UBR1: variants seen among roughly 807,000 people sequenced by gnomAD.
UBR1 encodes E3 ubiquitin-protein ligase UBR1.
UBR1 carries 102 observed loss-of-function variants against 242.1 expected under a neutral mutation model. That is an observed-to-expected ratio of 0.42 (90% confidence interval 0.36 to 0.50). The LOEUF is 0.50. Among genes scored for constraint, UBR1 ranks in the 20% least tolerant of loss-of-function variants. The probability of loss-of-function intolerance (pLI) is 0.01; values close to 1 mark genes in which losing one functional copy is unlikely to be tolerated. For synonymous variants in UBR1, 675 were observed against 684.8 expected, an observed-to-expected ratio of 0.99 and a Z score of 0.22; for missense variants, 1,772 against 2,101.8, an observed-to-expected ratio of 0.84 and a Z score of 3.07.
chr15:43,034,695 G>A (rs2033307874), intron 19 of UBR1, among the ~76,000 whole-genome samples: 1 of 151,928 alleles, frequency 6.6e-6, no homozygotes, highest in African/African-American at 2.4e-5. Flanking sequence ...AGACCAGCCT[G>A]GCCAACATGG....
chr15:42,970,372 A>T (rs753295759), intron 40 of UBR1, 148 bp downstream of exon 40: 77 of 799,872 alleles, frequency 9.6e-5, no homozygotes, highest in Admixed American at 3.1e-4. Flanking sequence ...TAAATGTAAG[A>T]CCTAAACCAT....
intron 37 of UBR1, among the ~76,000 whole-genome samples, chr15:42,979,791 C>G (rs905268977): frequency 6.6e-6 from 1 of 152,104 alleles, no homozygotes; most frequent in African/African-American, 2.4e-5. Context: ...CTCCTCGCCT[C>G]AAGAGGTCCA....
chr15:43,030,141 C>T lies in UBR1; in HGVS notation c.2255-73G>A, dbSNP rs868213065. 13 of 1,497,702 alleles carry T rather than the reference C, an allele frequency of 8.7e-6. No individual in the cohort carries two copies. The African/African-American group carries it at 1.3e-4, about 15-fold the overall frequency. 92.8% of individuals were successfully genotyped at this position (1,497,702 alleles called of 1,614,324 possible). A position where few individuals can be genotyped will look rare whatever the true frequency, so the allele number is the denominator to read the frequency against. On this transcript the variant is annotated intron_variant, in intron 20 of 46. Coordinates refer to ENST00000290650, the MANE Select transcript of UBR1 (RefSeq NM_174916.3). ...TATTTAAATCTCTCCCCATCAGAAG[C>T]ACTTACACACAGAACACTGCATTAA...
intron 39 of UBR1, among the ~76,000 whole-genome samples, chr15:42,972,530 G>A (rs966866325): frequency 2.0e-5 from 3 of 151,876 alleles, no homozygotes; most frequent in African/African-American, 7.3e-5. Context: ...CACCATGCCT[G>A]GCTAATTTTT....
At chr15:43,102,821 C>CA (rs1446574964) in intron 1 of UBR1, among the ~76,000 whole-genome samples, 1 of 152,204 alleles carries the variant, frequency 6.6e-6, no homozygotes, top group Non-Finnish European at 1.5e-5. Flanking sequence ...ATCTCTGTCT[C>CA]ACTCTCTTTT....
Position 43,067,971 on chromosome 15 carries a change from A to G in UBR1, c.725T>C (p.Ile242Thr). Residue 242 changes from isoleucine to threonine, a missense_variant, in exon 6 of 47, where the codon ATA becomes ACA. Physicochemically the swap from Ile to Thr is moderately conservative, Grantham distance 89 (BLOSUM62 -1). This residue lies in a region of UBR1 where 734 missense variants were observed against 893.3 expected (regional missense o/e 0.82). Coordinates refer to ENST00000290650, the MANE Select transcript of UBR1 (RefSeq NM_174916.3). Reference protein sequence around the residue: ...NDEHHSYDHVIYSLQRALDCE... With the variant: ...NDEHHSYDHVTYSLQRALDCE... ...GTCAAGAGCTCTTTGTAGGCTGTAT[A>G]TGACGTGGTCATATGAATGGTGTTC... is the stretch of plus-strand genomic sequence containing the variant. 1.2e-6 allele frequency: 2 copies of G among 1,613,506 alleles called. No homozygotes were observed. The highest frequency in any genetic ancestry group is 1.7e-6 in the Non-Finnish European group (2 of 1,179,736).
chr15:43,089,607 A>T (rs1158462134), intron 1 of UBR1, among the ~76,000 whole-genome samples: 3 of 151,984 alleles, frequency 2.0e-5, no homozygotes, highest in African/African-American at 7.2e-5. Flanking sequence ...TTATTGTATT[A>T]TTTTTTTTCT....
At chr15:43,024,395 C>G (rs1400999465) in intron 25 of UBR1, among the ~76,000 whole-genome samples, 1 of 152,144 alleles carries the variant, frequency 6.6e-6, no homozygotes, top group Non-Finnish European at 1.5e-5. Flanking sequence ...AATTCTCCTA[C>G]CTCTATGAAT....
In UBR1 at chr15:43,034,237, A is replaced by AAAATAAAT. The variant is rs35184791; in HGVS notation, c.2191-1614_2191-1607dup. ...GGTGACAGAGCAACACTCCATCTCAAAAATAAATAAATAAATAAATAAATA... is the reference window on the plus strand; with the variant it reads ...GGTGACAGAGCAACACTCCATCTCAAAAATAAATAAATAAATAAATAAATAAATAAATA... On this transcript the variant is annotated intron_variant, in intron 19 of 46. Transcript: ENST00000290650. Among the ~76,000 whole-genome samples the AAAATAAAT allele has an allele frequency of 5.3e-3, 584 of 110,910 alleles. 5 individuals are homozygous for AAAATAAAT. The highest frequency in any genetic ancestry group is 0.015 in the African/African-American group (476 of 31,204). 72.8% of individuals were successfully genotyped at this position (110,910 alleles called of 152,430 possible).
chr15:43,021,055 G>A, intron 27 of UBR1: 1 of 443,988 alleles, frequency 2.3e-6, no homozygotes, highest in Non-Finnish European at 4.1e-6. Context: ...TAGGTTTTCA[G>A]TAAAGTTGAC....
In UBR1 at chr15:42,952,453, A is replaced by G; in HGVS notation, c.4836-5T>C. The G allele has an allele frequency of 1.2e-6, 2 of 1,614,216 alleles. No homozygotes were observed. Among genetic ancestry groups the G allele is most frequent in the South Asian group, 2.2e-5 (2 of 91,088 alleles). ...TCATCTGCAGACCGTGGGCACCTCA[A>G]AAGAGAAGAAAACATTTAGAGAATG... On this transcript the variant is annotated splice_region_variant and splice_polypyrimidine_tract_variant and intron_variant, in intron 44 of 46. Transcript: ENST00000290650.
intron 5 of UBR1, among the ~76,000 whole-genome samples, chr15:43,070,109 T>G (rs2033806431): frequency 1.3e-5 from 2 of 152,062 alleles, no homozygotes; most frequent in Admixed American, 1.3e-4. Context: ...ATCCTAATAT[T>G]ACATAGGTAG....
chr15:42,951,694 T>C (rs141918289), intron 45 of UBR1, among the ~76,000 whole-genome samples: 1 of 152,220 alleles, frequency 6.6e-6, no homozygotes, highest in Non-Finnish European at 1.5e-5. Flanking sequence ...AATGGCACGA[T>C]CATGGCCTTG....
intron 6 of UBR1, among the ~76,000 whole-genome samples, chr15:43,060,660 G>A (rs1244723403): frequency 6.6e-6 from 1 of 152,126 alleles, no homozygotes; most frequent in African/African-American, 2.4e-5. Flanking sequence ...AAAAAAGTCA[G>A]GAAGCACTGT....
In UBR1 at chr15:42,944,213, G is replaced by C. The variant is rs1185132838; in HGVS notation, c.*1116C>G. The C allele has an allele frequency of 6.6e-6, 1 of 152,518 alleles. No homozygotes were observed. Among genetic ancestry groups the C allele is most frequent in the African/African-American group, 2.4e-5 (1 of 41,398 alleles). 9.4% of individuals were successfully genotyped at this position (152,518 alleles called of 1,614,324 possible). ...TCTTGATACAAAAAACAAAAGCCAG[G>C]AACCAAGAAGTCTATGCACAAATTC... On this transcript the variant is annotated 3_prime_UTR_variant, in exon 47 of 47. Transcript: ENST00000290650.
intron 29 of UBR1, among the ~76,000 whole-genome samples, chr15:43,012,903 T>C (rs1043432004): frequency 2.0e-5 from 3 of 152,176 alleles, no homozygotes; most frequent in African/African-American, 2.4e-5. Flanking sequence ...TTTCTAAAAG[T>C]ATCCACAAGA....
Position 42,976,874 on chromosome 15 carries a change from G to C in UBR1, c.4219-7C>G, listed in dbSNP as rs1005157314. On this transcript the variant is annotated splice_region_variant and splice_polypyrimidine_tract_variant and intron_variant, in intron 38 of 46. Transcript: ENST00000290650. ...ATGCTAACACAGCACCCACCTATGA[G>C]AGAAAAATGGACATCAATATGGCTA... 1 of 1,612,758 alleles carries C rather than the reference G, an allele frequency of 6.2e-7. No homozygotes were observed. Among genetic ancestry groups the C allele is most frequent in the Admixed American group, 1.7e-5 (1 of 59,922 alleles).
At chr15:43,052,331 A>C (rs1200158739) in intron 12 of UBR1, among the ~76,000 whole-genome samples, 1 of 152,226 alleles carries the variant, frequency 6.6e-6, no homozygotes, top group Non-Finnish European at 1.5e-5. Flanking sequence ...GTTAAATGAG[A>C]ATTGAAGTTG....
At position 42,976,782 on chromosome 15, in the gene UBR1, T is replaced by C. The variant is rs779903626; in HGVS notation, c.4304A>G (p.His1435Arg). ...GGTGATCAAATGGAAGAGATAAAGG[T>C]GGTTATAGGAAGAACTAACTGAAGA... ...QPSSVSSSYN[H>R]LYLFHLITMA... Residue 1435 changes from histidine (H) to arginine (R), a missense_variant, in exon 39 of 47, where the codon CAC (histidine) becomes CGC (arginine). His to Arg is a conservative substitution (Grantham distance 29). Transcript: ENST00000290650. 6.2e-7 allele frequency: 1 copy of C among 1,614,016 alleles called. No individual in the cohort carries two copies. Among genetic ancestry groups the C allele is most frequent in the Admixed American group, 1.7e-5 (1 of 60,014 alleles).
Sources: allele counts gnomAD v4.1 joint callset (sites outside exome capture counted in the v4.1 genomes callset), GRCh38; gene constraint gnomAD v4.1.1; regional missense constraint gnomAD v4.1.1; transcripts MANE v1.5; gene names NCBI Gene and HGNC (gene_info 2026-07-23, HGNC 2026-07-21).